Variants in ANKRD44 observed in about 807,000 individuals in gnomAD.
ANKRD44 encodes the protein serine/threonine-protein phosphatase 6 regulatory ankyrin repeat subunit B.
A neutral mutation model predicts 116.0 loss-of-function variants in ANKRD44; 35 were observed. That is an observed-to-expected ratio of 0.30 (90% CI 0.23 to 0.40). The LOEUF (loss-of-function observed/expected upper bound fraction) is 0.40. Among genes scored for constraint, ANKRD44 ranks in the 10% least tolerant of loss-of-function variants. ANKRD44 has a pLI of 1.00. For synonymous variants in ANKRD44, 435 were observed against 461.8 expected (o/e 0.94, Z 0.74); for missense variants, 1,014 against 1,242.6 (o/e 0.82, Z 2.77).
chr2:197,100,430 G>A (rs548883708), intron 9 of ANKRD44, among the ~76,000 whole-genome samples: 59 of 151,840 alleles, frequency 3.9e-4, no homozygotes, highest in African/African-American at 1.1e-3. Context: ...GCGAGACTCC[G>A]TCTCAAAAAA....
chr2:197,193,597 C>T lies in ANKRD44; in HGVS notation c.28-6491G>A, dbSNP rs553264772. Among the ~76,000 whole-genome samples, 17 of 152,150 alleles carry T rather than the reference C, an allele frequency of 1.1e-4. No homozygotes were observed. In the South Asian group the frequency reaches 2.7e-3, roughly 24 times the overall value. On this transcript the variant is annotated intron_variant, in intron 1 of 27. Coordinates refer to ENST00000282272, the MANE Select transcript of ANKRD44 (RefSeq NM_001195144.2). ...TAGATGTGTTTAAAAAATAACGTAACGGCCAGGCGCGGTGGCTCACACCTG... is the reference window on the plus strand; with the variant it reads ...TAGATGTGTTTAAAAAATAACGTAATGGCCAGGCGCGGTGGCTCACACCTG...
chr2:197,224,019 G>C (rs2081644762), intron 1 of ANKRD44, among the ~76,000 whole-genome samples: 1 of 152,168 alleles, frequency 6.6e-6, no homozygotes, highest in Non-Finnish European at 1.5e-5. Context: ...TTTTTAAAAA[G>C]AAATTTCCAT....
At chr2:197,126,199 A>C (rs934115287) in intron 4 of ANKRD44, among the ~76,000 whole-genome samples, 162 bp from the exon 5 acceptor site, 40 of 152,226 alleles carry the variant, frequency 2.6e-4, no homozygotes, top group African/African-American at 7.5e-4. Flanking sequence ...AGATCAAAAG[A>C]GTGGCAAAGA....
chr2:197,153,973 T>C (rs187689559), intron 2 of ANKRD44, among the ~76,000 whole-genome samples: 4 of 152,266 alleles, frequency 2.6e-5, no homozygotes, highest in Admixed American at 2.0e-4. Flanking sequence ...CATGTCTGTC[T>C]GTGCATACAT....
chr2:197,064,004 T>C (rs2077376591), intron 16 of ANKRD44, among the ~76,000 whole-genome samples: 1 of 152,092 alleles, frequency 6.6e-6, no homozygotes, highest in Non-Finnish European at 1.5e-5. Context: ...AATTGTCAGA[T>C]TCACCAAAGA....
At chr2:197,278,088 C>T (rs1302505483) in intron 1 of ANKRD44, among the ~76,000 whole-genome samples, 2 of 152,076 alleles carry the variant, frequency 1.3e-5, no homozygotes, top group Non-Finnish European at 2.9e-5. Flanking sequence ...TCTCCCAAGG[C>T]AGCAAATTAG....
chr2:197,074,317 A>C (rs1486807083), intron 16 of ANKRD44, among the ~76,000 whole-genome samples: 1 of 152,240 alleles, frequency 6.6e-6, no homozygotes, highest in Admixed American at 6.5e-5. Context: ...GAGAGAAAAC[A>C]ATCATCAGAG....
At chr2:197,028,192 G>A (rs562174441) in intron 16 of ANKRD44, among the ~76,000 whole-genome samples, 1 of 152,008 alleles carries the variant, frequency 6.6e-6, no homozygotes, top group Non-Finnish European at 1.5e-5. Flanking sequence ...CAGATAAATT[G>A]TTCCCCTTTA....
chr2:197,282,883 G>A (rs1463302800), intron 1 of ANKRD44, among the ~76,000 whole-genome samples: 2 of 152,176 alleles, frequency 1.3e-5, no homozygotes, highest in Admixed American at 6.5e-5. Flanking sequence ...ATTTGAATCC[G>A]GGAGGTGTCC....
At chr2:197,247,224 A>C (rs910901263) in intron 1 of ANKRD44, among the ~76,000 whole-genome samples, 16 of 152,210 alleles carry the variant, frequency 1.1e-4, no homozygotes, top group Non-Finnish European at 2.2e-4. Context: ...GCCAGGCAGC[A>C]AAGAGATCGC....
At position 197,125,955 on chromosome 2, in the gene ANKRD44, G is replaced by A. The variant is rs774866907; in HGVS notation, c.344C>T (p.Ala115Val). 6.2e-7 allele frequency: 1 copy of A among 1,614,254 alleles called. No homozygotes were observed. Among genetic ancestry groups the A allele is most frequent in the Non-Finnish European group, 8.5e-7 (1 of 1,180,040 alleles). The change falls in exon 5 of 28, where the codon GCA becomes GTA. Residue 115 changes from alanine to valine, a missense_variant. Ala to Val is a moderately conservative substitution (Grantham distance 64). Transcript: ENST00000282272. Reference sequence around the variant, plus strand: ...TGCACATTTGACAGCCTTGTTGGCTGCTGCCACATGAAGAGGGGTCTGCCA... The same window carrying A: ...TGCACATTTGACAGCCTTGTTGGCTACTGCCACATGAAGAGGGGTCTGCCA... ...KNWQTPLHVA[A>V]ANKAVKCAEV...
chr2:197,194,879 A>C (rs2080910545), intron 1 of ANKRD44, among the ~76,000 whole-genome samples: 1 of 152,244 alleles, frequency 6.6e-6, no homozygotes, highest in South Asian at 2.1e-4. Context: ...AAGATGAAGA[A>C]GGTAGGCACT....
chr2:197,083,347 G>C, intron 14 of ANKRD44, 22 bp downstream of exon 14: 2 of 1,604,970 alleles, frequency 1.2e-6, no homozygotes, highest in Non-Finnish European at 1.7e-6. Context: ...CCCAGAGGAA[G>C]CATGAGCAAG....
intron 16 of ANKRD44, among the ~76,000 whole-genome samples, chr2:197,038,918 A>G (rs1359784091): frequency 6.6e-6 from 1 of 152,240 alleles, no homozygotes. Context: ...AGTAATGCAA[A>G]GAATTGCTGC....
At chr2:197,301,262 G>A (rs1191449525) in intron 1 of ANKRD44, 1 of 152,192 alleles carries the variant, frequency 6.6e-6, no homozygotes, top group Non-Finnish European at 1.5e-5. Flanking sequence ...GAGAAGGGGA[G>A]AGCAGAGAGC....
rs556399941 is a variant in ANKRD44 at position 197,171,270 on chromosome 2, TC to T, written c.111+15752del. 3.8e-3 allele frequency among the ~76,000 whole-genome samples: 577 copies of T among 152,298 alleles called. 6 individuals carry two copies. Among genetic ancestry groups the T allele is most frequent in the African/African-American group, 0.013 (541 of 41,560 alleles). On this transcript the variant is annotated intron_variant, in intron 2 of 27. Coordinates refer to ENST00000282272, the MANE Select transcript of ANKRD44 (RefSeq NM_001195144.2). ...AGTGATGGGAGAAGGAAGCTGGCGA[TC>T]AACAAGATTTGAAACTGCAGGATCT...
At chr2:197,000,343 T>C (rs2076092212) in intron 23 of ANKRD44, 76 bp downstream of exon 23, 1 of 1,103,966 alleles carries the variant, frequency 9.1e-7, no homozygotes, top group Non-Finnish European at 1.4e-6. Context: ...AAAACATAGA[T>C]GTTTGGCTAC....
intron 21 of ANKRD44, among the ~76,000 whole-genome samples, chr2:196,976,161 T>G (rs895975249): frequency 1.3e-5 from 2 of 152,160 alleles, no homozygotes; most frequent in Non-Finnish European, 2.9e-5. Context: ...AGATGGAGTC[T>G]CGCTCTGTCG....
intron 21 of ANKRD44, chr2:196,967,462 A>AT (rs2075681941): frequency 6.4e-6 from 3 of 466,166 alleles, no homozygotes; most frequent in African/African-American, 6.0e-5. Flanking sequence ...TTGCCATTTA[A>AT]AAAAAGAAAA....
Sources: allele counts gnomAD v4.1 joint callset (sites outside exome capture counted in the v4.1 genomes callset), GRCh38; gene constraint gnomAD v4.1.1; transcripts MANE v1.5; gene names NCBI Gene and HGNC (gene_info 2026-07-23, HGNC 2026-07-21).